The following CNKSR2 variants were observed in gnomAD, a reference collection of about 807,000 sequenced individuals.
CNKSR2 encodes the protein connector enhancer of kinase suppressor of Ras 2.
CNKSR2 carries 14 observed loss-of-function variants against 84.4 expected under a neutral mutation model. That is an observed-to-expected ratio of 0.17 (90% CI 0.11 to 0.26). The LOEUF (loss-of-function observed/expected upper bound fraction) is 0.26. Among genes scored for constraint, CNKSR2 ranks in the 10% least tolerant of loss-of-function variants. The probability of loss-of-function intolerance (pLI) is 1.00; values close to 1 mark genes in which losing one functional copy is unlikely to be tolerated. For synonymous variants in CNKSR2, 275 were observed against 277.9 expected, an observed-to-expected ratio of 0.99 and a Z score of 0.10; for missense variants, 485 against 771.2, an observed-to-expected ratio of 0.63 and a Z score of 4.40.
At chrX:21,614,196 A>G (rs1001928230) in intron 20 of CNKSR2, among the ~76,000 whole-genome samples, 1 of 110,869 alleles carries the variant, frequency 9.0e-6, no homozygotes, top group African/African-American at 3.3e-5. Context: ...TCCTATCTTC[A>G]TTTCCTGAAG....
chrX:21,622,511 G>A (rs1203620457), intron 20 of CNKSR2, among the ~76,000 whole-genome samples: 1 of 110,944 alleles, frequency 9.0e-6, no homozygotes, highest in East Asian at 2.8e-4. Context: ...CTTTCCATTT[G>A]TCTTTGTAAA....
intron 1 of CNKSR2, among the ~76,000 whole-genome samples, chrX:21,403,070 C>G (rs1175419748): frequency 9.0e-6 from 1 of 111,148 alleles, no homozygotes; most frequent in African/African-American, 3.3e-5. Context: ...GATTAGGTAT[C>G]TAAGTGTAAA....
chrX:21,408,268 A>G (rs768369650), intron 1 of CNKSR2, among the ~76,000 whole-genome samples: 3 of 111,856 alleles, frequency 2.7e-5, no homozygotes, highest in Non-Finnish European at 5.6e-5. Context: ...ACCTGTGGCT[A>G]CTCAGGATGA....
intron 3 of CNKSR2, among the ~76,000 whole-genome samples, chrX:21,436,044 C>A (rs111941524): frequency 0.016 from 1,744 of 111,284 alleles, 23 homozygotes; most frequent in African/African-American, 0.053. Context: ...ATTTCTTCTT[C>A]CATGATAAGA....
intron 4 of CNKSR2, among the ~76,000 whole-genome samples, chrX:21,451,629 A>G (rs1296069661): frequency 1.0e-5 from 1 of 96,121 alleles, no homozygotes; most frequent in Non-Finnish European, 2.0e-5. Context: ...GTTCTCACTC[A>G]TAGGTGGGAA....
intron 8 of CNKSR2, among the ~76,000 whole-genome samples, chrX:21,515,468 A>C (rs1049568000): frequency 9.0e-6 from 1 of 111,493 alleles, no homozygotes; most frequent in Non-Finnish European, 1.9e-5. Context: ...ATTTTGACCT[A>C]GTGTATTTAT....
intron 10 of CNKSR2, among the ~76,000 whole-genome samples, chrX:21,528,681 G>A: frequency 9.0e-6 from 1 of 111,315 alleles, no homozygotes; most frequent in South Asian, 3.7e-4. Context: ...TGTTTTGTCA[G>A]TATTGCTTGA....
At chrX:21,483,381 A>C (rs754817010) in intron 5 of CNKSR2, among the ~76,000 whole-genome samples, 84 of 109,780 alleles carry the variant, frequency 7.7e-4, no homozygotes, top group African/African-American at 2.4e-3. Flanking sequence ...CATAGGTGGG[A>C]ATTGAACAAT....
chrX:21,416,311 C>T (rs750940187), intron 1 of CNKSR2, among the ~76,000 whole-genome samples: 1 of 111,510 alleles, frequency 9.0e-6, no homozygotes, highest in Admixed American at 9.5e-5. Flanking sequence ...GATGAATGAT[C>T]GTTTTAAAGT....
chrX:21,473,745 G>GTGTTTTTTTTTTTTTTTTTTTTT (rs2091226211), intron 5 of CNKSR2, among the ~76,000 whole-genome samples: 1 of 67,231 alleles, frequency 1.5e-5, no homozygotes, highest in African/African-American at 1.0e-4. Flanking sequence ...TGTTGGTTTG[G>GTGTTTTTTTTTTTTTTTTTTTTT]TTTTTTTTTT....
intron 11 of CNKSR2, among the ~76,000 whole-genome samples, chrX:21,558,465 T>G (rs188401568): frequency 1.1e-4 from 12 of 110,705 alleles, no homozygotes; most frequent in African/African-American, 3.9e-4. Flanking sequence ...CAAAAGTAAA[T>G]TTCAGTAAAG....
intron 11 of CNKSR2, among the ~76,000 whole-genome samples, chrX:21,537,514 G>C (rs1189421493): frequency 1.8e-5 from 2 of 111,249 alleles, no homozygotes; most frequent in African/African-American, 6.5e-5. Context: ...TTTAGCTCTA[G>C]TAAGGTTTGC....
At chrX:21,486,535 T>C (rs1433989883) in intron 5 of CNKSR2, among the ~76,000 whole-genome samples, 1 of 111,958 alleles carries the variant, frequency 8.9e-6, no homozygotes, top group Non-Finnish European at 1.9e-5. Flanking sequence ...CTATTTAGCC[T>C]CCTTCTCACA....
At chrX:21,581,444 A>C (rs1399619363) in intron 13 of CNKSR2, among the ~76,000 whole-genome samples, 1 of 111,830 alleles carries the variant, frequency 8.9e-6, no homozygotes, top group Non-Finnish European at 1.9e-5. Flanking sequence ...TCTTGCTGAG[A>C]AATGAGCATT....
At chrX:21,574,134 C>T (rs911094949) in intron 13 of CNKSR2, among the ~76,000 whole-genome samples, 3 of 111,703 alleles carry the variant, frequency 2.7e-5, no homozygotes, top group Admixed American at 9.5e-5. Context: ...TCATCTTCAT[C>T]GGAGACCACC....
At chrX:21,455,643 T>A (rs941759905) in intron 4 of CNKSR2, among the ~76,000 whole-genome samples, 15 of 112,251 alleles carry the variant, frequency 1.3e-4, no homozygotes, top group Admixed American at 2.8e-4. Context: ...ACCAGAGAGA[T>A]TGATGTCAGT....
intron 1 of CNKSR2, among the ~76,000 whole-genome samples, chrX:21,418,533 C>A (rs1356005018): frequency 1.8e-5 from 2 of 111,751 alleles, no homozygotes; most frequent in Non-Finnish European, 3.8e-5. Context: ...ATTTCTCCCT[C>A]ATGTTTGAAG....
intron 11 of CNKSR2, among the ~76,000 whole-genome samples, chrX:21,551,186 A>T (rs2092087630): frequency 9.1e-6 from 1 of 110,442 alleles, no homozygotes; most frequent in Non-Finnish European, 1.9e-5. Flanking sequence ...GGACACAGGG[A>T]GGGGAACATC....
chrX:21,522,986 A>G lies in CNKSR2; in HGVS notation c.958-3881A>G, dbSNP rs370910582. Among the ~76,000 whole-genome samples the G allele has an allele frequency of 2.3e-4, 25 of 110,846 alleles. No homozygotes were observed. In the East Asian group the frequency reaches 2.3e-3, roughly 10 times the overall value. On this transcript the variant is annotated intron_variant, in intron 9 of 21. Transcript: ENST00000379510. ...GACAGTAGTACGTTATCACCAATTGACCTAAGGTTATAAATGTATGTTTGA... is the reference window on the plus strand; with the variant it reads ...GACAGTAGTACGTTATCACCAATTGGCCTAAGGTTATAAATGTATGTTTGA...
Sources: allele counts gnomAD v4.1 joint callset (sites outside exome capture counted in the v4.1 genomes callset), GRCh38; gene constraint gnomAD v4.1.1; transcripts MANE v1.5; gene names NCBI Gene and HGNC (gene_info 2026-07-23, HGNC 2026-07-21).